SCN3A: variants seen among roughly 807,000 people sequenced by gnomAD.
SCN3A encodes the protein sodium channel protein type 3 subunit alpha.
A neutral mutation model predicts 187.6 loss-of-function variants in SCN3A; 60 were observed. The ratio of observed to expected loss-of-function variants is 0.32; its 90% CI spans 0.26 to 0.40. The LOEUF (loss-of-function observed/expected upper bound fraction) is 0.40, where lower values mean the gene tolerates loss of function less well. Ranked by LOEUF, SCN3A falls within the 10% of genes least tolerant of loss-of-function variation. SCN3A has a pLI of 1.00. For synonymous variants in SCN3A, 788 were observed against 829.2 expected (o/e 0.95, Z 0.85); for missense variants, 1,601 against 2,428.2 (o/e 0.66, Z 7.16).
intron 3 of SCN3A, among the ~76,000 whole-genome samples, chr2:165,175,788 T>C (rs1414359391): frequency 6.6e-6 from 1 of 152,194 alleles, no homozygotes; most frequent in Non-Finnish European, 1.5e-5. Context: ...ATAATTCTTT[T>C]CTGCACAGGT....
Position 165,113,072 on chromosome 2 carries a change from ATATTT to A in SCN3A, c.3670-19_3670-15del, listed in dbSNP as rs1200602832. 5 of 1,600,802 alleles carry A rather than the reference ATATTT, an allele frequency of 3.1e-6. No individual in the cohort carries two copies. In the South Asian group the frequency reaches 3.3e-5, roughly 11 times the overall value. ...ATCTTCAAAGGCCTATGAATCAAAAATATTTTATTTTACTTAAATGGCTTGCTTCT... is the reference window on the plus strand; with the variant it reads ...ATCTTCAAAGGCCTATGAATCAAAAATATTTTACTTAAATGGCTTGCTTCT... On this transcript the variant is annotated splice_polypyrimidine_tract_variant and intron_variant, in intron 20 of 27. Coordinates refer to ENST00000283254, the MANE Select transcript of SCN3A (RefSeq NM_006922.4).
intron 3 of SCN3A, 45 bp downstream of exon 3, chr2:165,176,086 A>G: frequency 1.3e-6 from 2 of 1,585,180 alleles, no homozygotes; most frequent in Non-Finnish European, 1.7e-6. Context: ...ATTACAGTTA[A>G]GAGTTTCATT....
chr2:165,173,107 G>A (rs1299330403), intron 3 of SCN3A, among the ~76,000 whole-genome samples: 1 of 152,062 alleles, frequency 6.6e-6, no homozygotes. Context: ...CTTTTTCCTA[G>A]AATGTTACTT....
chr2:165,150,803 T>G (rs10210489), intron 11 of SCN3A, among the ~76,000 whole-genome samples: 88,448 of 151,956 alleles, frequency 0.58, 26,156 homozygotes, highest in African/African-American at 0.69. Flanking sequence ...TAATTTGTCT[T>G]CTTTTATTAA....
Position 165,146,754 on chromosome 2 carries a change from G to T in SCN3A, c.1656C>A (p.Phe552Leu). The T allele has an allele frequency of 6.2e-7, 1 of 1,614,006 alleles. No homozygotes were observed. Among genetic ancestry groups the T allele is most frequent in the Non-Finnish European group, 8.5e-7 (1 of 1,179,930 alleles). ...DGNRLTSDKK[F>L]CSPHQSLLSI... The stretch of plus-strand genomic sequence containing the variant: ...AAAATCATACCTGATGAGGGGAGCA[G>T]AATTTTTTGTCACTGGTCAGTCTGT... The change falls in exon 12 of 28, where the codon TTC (phenylalanine) becomes TTA (leucine). Residue 552 changes from phenylalanine to leucine, a missense_variant. Phe to Leu is a conservative substitution (Grantham distance 22, BLOSUM62 0). Transcript: ENST00000283254.
intron 21 of SCN3A, among the ~76,000 whole-genome samples, chr2:165,110,185 C>T (rs1321672212): frequency 6.6e-6 from 1 of 152,176 alleles, no homozygotes; most frequent in Non-Finnish European, 1.5e-5. Flanking sequence ...CTTGTTTACA[C>T]GTTTCCTGTC....
intron 16 of SCN3A, 60 bp downstream of exon 16, chr2:165,131,184 G>C (rs530336509): frequency 3.3e-5 from 35 of 1,062,496 alleles, no homozygotes; most frequent in Non-Finnish European, 4.4e-5. Context: ...AATATACATT[G>C]ATTCAATTTC....
rs1688904983 is a variant in SCN3A at position 165,154,630 on chromosome 2, A to T, written c.1202T>A (p.Met401Lys). The change falls in exon 11 of 28, where the codon ATG becomes AAG. Residue 401 changes from methionine (M) to lysine (K), a missense_variant. Physicochemically the swap from Met to Lys is moderately conservative, Grantham distance 95. Transcript: ENST00000283254. ...GAAAATGACCAGGACAAAAAATATC[A>T]TGTATGTTTTCCCAGCAGCACGTAA... ...LTLRAAGKTY[M>K]IFFVLVIFLG... The T allele has an allele frequency of 6.2e-7, 1 of 1,614,094 alleles. No homozygotes were observed. The highest frequency in any genetic ancestry group is 8.5e-7 in the Non-Finnish European group (1 of 1,179,962).
chr2:165,161,694 G>C (rs1689407653), intron 9 of SCN3A, among the ~76,000 whole-genome samples: 1 of 152,100 alleles, frequency 6.6e-6, no homozygotes, highest in African/African-American at 2.4e-5. Context: ...AATATTTAAG[G>C]GTTAGAGAAT....
intron 1 of SCN3A, among the ~76,000 whole-genome samples, chr2:165,199,591 T>TA (rs531382915): frequency 0.036 from 5,293 of 145,146 alleles, 290 homozygotes; most frequent in African/African-American, 0.12. Context: ...AAAAAAGTAA[T>TA]AAAAAAAAAA....
chr2:165,159,458 G>T (rs1689234665), intron 9 of SCN3A, among the ~76,000 whole-genome samples: 1 of 137,180 alleles, frequency 7.3e-6, no homozygotes, highest in Admixed American at 7.6e-5. Context: ...CCAGGCTCAA[G>T]TAATCCTTCT....
At chr2:165,133,552 C>A (rs1418998298) in intron 15 of SCN3A, among the ~76,000 whole-genome samples, 1 of 151,514 alleles carries the variant, frequency 6.6e-6, no homozygotes, top group African/African-American at 2.4e-5. Flanking sequence ...TCACGTTGGC[C>A]AGGCCAGTTT....
At chr2:165,163,790 G>A in intron 6 of SCN3A, 81 bp from the exon 7 acceptor site, 1 of 1,613,524 alleles carries the variant, frequency 6.2e-7, no homozygotes, top group South Asian at 1.1e-5. Context: ...CCTTACACCA[G>A]TTTCTTCTTA....
At chr2:165,172,470 T>G (rs1162599026) in intron 3 of SCN3A, among the ~76,000 whole-genome samples, 1 of 152,134 alleles carries the variant, frequency 6.6e-6, no homozygotes, top group African/African-American at 2.4e-5. Context: ...ATTAAAGGGT[T>G]GCCTTGGAGT....
intron 21 of SCN3A, among the ~76,000 whole-genome samples, chr2:165,101,906 C>T (rs529172183): frequency 4.5e-4 from 69 of 152,282 alleles, no homozygotes; most frequent in African/African-American, 1.6e-3. Context: ...AAGAATTGAA[C>T]AGAATAATAC....
chr2:165,138,046 A>T lies in SCN3A; in HGVS notation c.2224T>A (p.Cys742Ser), dbSNP rs1687774871. ...RFANVFLIWD[C>S]CDAWLKVKHL... is the part of the protein sequence containing the mutation. ...TTTACTTTTAACCATGCATCACAGC[A>T]GTCCCAGATCAAGAACACATTGGCA... Residue 742 changes from cysteine (C) to serine (S), a missense_variant, in exon 15 of 28, where the codon TGC becomes AGC. By Grantham distance (112) the Cys-to-Ser change is moderately radical. Transcript: ENST00000283254. The T allele has an allele frequency of 6.2e-7, 1 of 1,613,550 alleles. No homozygotes were observed.
chr2:165,127,125 C>A (rs770694520), intron 18 of SCN3A, among the ~76,000 whole-genome samples: 3 of 152,252 alleles, frequency 2.0e-5, no homozygotes, highest in African/African-American at 7.2e-5. Context: ...ATGATGTGAT[C>A]GTGGCTCACT....
chr2:165,196,571 G>A (rs561993427), intron 1 of SCN3A, among the ~76,000 whole-genome samples: 1 of 152,004 alleles, frequency 6.6e-6, no homozygotes, highest in Non-Finnish European at 1.5e-5. Context: ...AAACCAATCC[G>A]GAACAGCAAC....
intron 18 of SCN3A, chr2:165,122,814 A>G (rs1464410735): frequency 6.6e-6 from 1 of 152,152 alleles, no homozygotes; most frequent in Non-Finnish European, 1.5e-5. Context: ...TGCTTGGATA[A>G]CCTGGGTAAA....
Sources: gnomAD v4.1 joint callset for allele counts (sites outside exome capture counted in the v4.1 genomes callset) on GRCh38, gnomAD v4.1.1 for gene constraint, MANE v1.5 for transcripts, NCBI Gene and HGNC (gene_info 2026-07-23, HGNC 2026-07-21) for gene names.